ADGRV1: variants seen among roughly 807,000 people sequenced by gnomAD.
The protein encoded by ADGRV1 is G-protein coupled receptor 98.
In ADGRV1, 359 loss-of-function variants were observed where a neutral mutation model predicts 596.2. The observed-to-expected ratio is 0.60, with a 90% CI of 0.55 to 0.66. ADGRV1 has a LOEUF of 0.66. Ranked by LOEUF, ADGRV1 falls within the 30% of genes least tolerant of loss-of-function variation. The pLI is 0.00. For missense variants in ADGRV1, 7,274 were observed against 7,575.6 expected, an observed-to-expected ratio of 0.96 and a Z score of 1.48; for synonymous variants, 2,681 against 2,679.2, an observed-to-expected ratio of 1.00 and a Z score of -0.02.
intron 1 of ADGRV1, among the ~76,000 whole-genome samples, chr5:90,559,159 A>G (rs1754480003): frequency 6.6e-6 from 1 of 152,084 alleles, no homozygotes; most frequent in South Asian, 2.1e-4. Context: ...TGCACCCCCT[A>G]CCCGCCCTTT....
intron 87 of ADGRV1, among the ~76,000 whole-genome samples, chr5:91,115,943 T>C (rs981813025): frequency 1.8e-5 from 2 of 112,958 alleles, no homozygotes; most frequent in African/African-American, 6.1e-5. Flanking sequence ...TGAGCTTCCA[T>C]CTAAAACAAC....
chr5:91,111,544 C>T (rs1470592241), intron 87 of ADGRV1, among the ~76,000 whole-genome samples: 1 of 152,170 alleles, frequency 6.6e-6, no homozygotes, highest in East Asian at 1.9e-4. Context: ...TTGGCTGCTT[C>T]CTTTTGAGGA....
chr5:91,000,937 A>C (rs1781807848), intron 85 of ADGRV1, among the ~76,000 whole-genome samples: 1 of 152,148 alleles, frequency 6.6e-6, no homozygotes, highest in African/African-American at 2.4e-5. Context: ...TAATTGGATA[A>C]GGCCCACCCA....
At chr5:90,585,532 G>A (rs1758642495) in intron 1 of ADGRV1, among the ~76,000 whole-genome samples, 1 of 152,240 alleles carries the variant, frequency 6.6e-6, no homozygotes, top group African/African-American at 2.4e-5. Context: ...GCAAATGGAA[G>A]TGAGCCCCAG....
At chr5:90,732,377 T>G (rs1219231968) in intron 50 of ADGRV1, among the ~76,000 whole-genome samples, 6 of 152,192 alleles carry the variant, frequency 3.9e-5, no homozygotes, top group Non-Finnish European at 8.8e-5. Flanking sequence ...ATATACAATG[T>G]GATATTTTGA....
At chr5:90,770,240 T>A (rs190153796) in intron 59 of ADGRV1, among the ~76,000 whole-genome samples, 6 of 152,170 alleles carry the variant, frequency 3.9e-5, no homozygotes, top group Admixed American at 3.3e-4. Context: ...GGAATGGTCC[T>A]TTATAAAACC....
At chr5:91,056,180 G>T (rs976348056) in intron 85 of ADGRV1, among the ~76,000 whole-genome samples, 1 of 152,176 alleles carries the variant, frequency 6.6e-6, no homozygotes, top group Non-Finnish European at 1.5e-5. Context: ...GAAGAATTGG[G>T]CCCTTTCTGT....
chr5:90,955,660 C>T (rs1217726066), intron 83 of ADGRV1, among the ~76,000 whole-genome samples: 1 of 152,082 alleles, frequency 6.6e-6, no homozygotes, highest in Non-Finnish European at 1.5e-5. Context: ...TCATGCAACA[C>T]TTTTGTACTT....
chr5:90,817,570 C>G (rs1196172118), intron 75 of ADGRV1, among the ~76,000 whole-genome samples: 3 of 151,746 alleles, frequency 2.0e-5, no homozygotes, highest in Non-Finnish European at 2.9e-5. Flanking sequence ...GTCTTTAATC[C>G]ATCTTGAATT....
At position 90,720,121 on chromosome 5, in the gene ADGRV1, C is replaced by T. The variant is rs1358804279; in HGVS notation, c.9521C>T (p.Pro3174Leu). The change falls in exon 44 of 90, where the codon CCA becomes CTA. Residue 3174 changes from proline (P) to leucine (L), a missense_variant. Coordinates refer to ENST00000405460, the MANE Select transcript of ADGRV1 (RefSeq NM_032119.4). ...DEYFVCTLFN[P>L]TGGARLGVHV... ...TATTTTGTTTGCACCTTGTTTAATCCAACTGGAGGTGCTAGACTAGGGGTG... is the reference window on the plus strand; with the variant it reads ...TATTTTGTTTGCACCTTGTTTAATCTAACTGGAGGTGCTAGACTAGGGGTG... 2 of 1,613,360 alleles carry T rather than the reference C, an allele frequency of 1.2e-6. No homozygotes were observed. The highest frequency in any genetic ancestry group is 1.7e-6 in the Non-Finnish European group (2 of 1,179,482).
At chr5:90,742,939 G>A (rs1455948602) in intron 50 of ADGRV1, among the ~76,000 whole-genome samples, 1 of 152,158 alleles carries the variant, frequency 6.6e-6, no homozygotes, top group African/African-American at 2.4e-5. Flanking sequence ...GCTTGGGAGA[G>A]GACCAGGCTT....
At chr5:91,094,612 G>A (rs1397099185) in intron 86 of ADGRV1, among the ~76,000 whole-genome samples, 1 of 152,140 alleles carries the variant, frequency 6.6e-6, no homozygotes, top group African/African-American at 2.4e-5. Flanking sequence ...GGATTGTAGA[G>A]GACAAATTTC....
chr5:90,637,023 T>G (rs1766300210), intron 10 of ADGRV1, among the ~76,000 whole-genome samples: 1 of 152,220 alleles, frequency 6.6e-6, no homozygotes, highest in Non-Finnish European at 1.5e-5. Flanking sequence ...ATTATTATAA[T>G]AGCTTCCATT....
chr5:90,876,389 A>G (rs1769220629), intron 83 of ADGRV1, among the ~76,000 whole-genome samples: 1 of 152,180 alleles, frequency 6.6e-6, no homozygotes, highest in South Asian at 2.1e-4. Flanking sequence ...AGCATTTACA[A>G]TTATATAAAA....
At position 90,721,048 on chromosome 5, in the gene ADGRV1, C is replaced by A; in HGVS notation, c.9737C>A (p.Ala3246Asp). ...SVQWETVSETAFGMRGMDVVF... is the reference protein window; with the variant it reads ...SVQWETVSETDFGMRGMDVVF... ...CAGTGGGAGACAGTATCTGAAACAGCCTTTGGCATGAGTATGTTTCATTTC... is the reference window on the plus strand; with the variant it reads ...CAGTGGGAGACAGTATCTGAAACAGACTTTGGCATGAGTATGTTTCATTTC... The change falls in exon 45 of 90, where the codon GCC becomes GAC. Residue 3246 changes from alanine to aspartate, a missense_variant. Physicochemically the swap from Ala to Asp is moderately radical, Grantham distance 126 (BLOSUM62 -2). Around this residue, in one of 5 missense-constraint regions of ADGRV1, gnomAD observed 3,643 missense variants for 3,809.2 expected, o/e 0.96. Coordinates refer to ENST00000405460, the MANE Select transcript of ADGRV1 (RefSeq NM_032119.4). The A allele has an allele frequency of 1.2e-6, 2 of 1,610,924 alleles. No individual in the cohort carries two copies. Among genetic ancestry groups the A allele is most frequent in the African/African-American group, 1.3e-5 (1 of 74,922 alleles).
intron 83 of ADGRV1, among the ~76,000 whole-genome samples, chr5:90,874,925 G>A (rs1769088194): frequency 6.6e-6 from 1 of 152,082 alleles, no homozygotes; most frequent in Non-Finnish European, 1.5e-5. Context: ...GAAATCTTAG[G>A]CTTTCTTATA....
At chr5:90,806,945 C>T (rs1195330450) in intron 72 of ADGRV1, among the ~76,000 whole-genome samples, 1 of 151,938 alleles carries the variant, frequency 6.6e-6, no homozygotes, top group Non-Finnish European at 1.5e-5. Flanking sequence ...CTCCACCTCC[C>T]GGGCTCAAGG....
intron 83 of ADGRV1, among the ~76,000 whole-genome samples, chr5:90,957,011 A>G (rs1298959344): frequency 6.6e-6 from 1 of 152,154 alleles, no homozygotes; most frequent in African/African-American, 2.4e-5. Flanking sequence ...ATGCTAGCCC[A>G]GAAAAAAAAA....
chr5:91,023,396 G>T (rs1203460480), intron 85 of ADGRV1, among the ~76,000 whole-genome samples: 1 of 152,118 alleles, frequency 6.6e-6, no homozygotes, highest in Non-Finnish European at 1.5e-5. Context: ...GGAAGGTGAG[G>T]TGATAAAGTG....
Sources: gnomAD v4.1 joint callset for allele counts (sites outside exome capture counted in the v4.1 genomes callset) on GRCh38, gnomAD v4.1.1 for gene constraint, gnomAD v4.1.1 regional missense constraint, MANE v1.5 for transcripts, NCBI Gene and HGNC (gene_info 2026-07-23, HGNC 2026-07-21) for gene names.